The following YAP1 variants were observed in gnomAD, a reference collection of about 807,000 sequenced individuals.
YAP1 encodes transcriptional coactivator YAP1.
Under a neutral mutation model 56.9 loss-of-function variants are expected in YAP1, and 5 were observed. That is an observed-to-expected ratio of 0.09 (90% CI 0.05 to 0.18). YAP1 has a LOEUF of 0.18. YAP1 is among the 10% of genes least tolerant of loss of function. YAP1 has a pLI of 1.00. For missense variants in YAP1, 539 were observed against 651.8 expected, an observed-to-expected ratio of 0.83 and a Z score of 1.88; for synonymous variants, 265 against 248.1, an observed-to-expected ratio of 1.07 and a Z score of -0.64.
At chr11:102,195,660 C>G (rs889480675) in intron 4 of YAP1, among the ~76,000 whole-genome samples, 1 of 152,118 alleles carries the variant, frequency 6.6e-6, no homozygotes, top group African/African-American at 2.4e-5. Context: ...AGCACTGATT[C>G]TTCTCTCTCC....
chr11:102,206,133 G>A, intron 5 of YAP1, 59 bp downstream of exon 5: 2 of 1,558,784 alleles, frequency 1.3e-6, no homozygotes, highest in South Asian at 2.4e-5. Context: ...TCTTAAAGTT[G>A]GGCAGATTTC....
At chr11:102,150,748 CA>C (rs1025877111) in intron 2 of YAP1, among the ~76,000 whole-genome samples, 2 of 143,340 alleles carry the variant, frequency 1.4e-5, no homozygotes, top group Non-Finnish European at 3.1e-5. Context: ...AGAACCTTGT[CA>C]AAAAATTTTT....
At chr11:102,175,511 A>G (rs904580604) in intron 3 of YAP1, among the ~76,000 whole-genome samples, 5 of 152,240 alleles carry the variant, frequency 3.3e-5, no homozygotes, top group Non-Finnish European at 7.3e-5. Context: ...AGTTAGTGAT[A>G]ATAATATAGT....
chr11:102,142,882 ATT>A (rs975961530), intron 2 of YAP1, among the ~76,000 whole-genome samples: 19 of 152,202 alleles, frequency 1.2e-4, no homozygotes, highest in Admixed American at 4.6e-4. Context: ...AGCATATAAC[ATT>A]TGTTTTATGT....
intron 8 of YAP1, among the ~76,000 whole-genome samples, chr11:102,228,062 A>AG (rs1950279239): frequency 3.9e-5 from 6 of 152,056 alleles, no homozygotes; most frequent in Admixed American, 3.9e-4. Context: ...AAAAAAAAAA[A>AG]AAAAATCATA....
intron 2 of YAP1, among the ~76,000 whole-genome samples, chr11:102,143,602 A>T (rs902043250): frequency 6.6e-6 from 1 of 152,192 alleles, no homozygotes; most frequent in Admixed American, 6.5e-5. Context: ...TACTACTACT[A>T]CATAAACTGT....
intron 3 of YAP1, among the ~76,000 whole-genome samples, chr11:102,168,900 CAG>C (rs955780220): frequency 5.9e-5 from 9 of 152,140 alleles, no homozygotes; most frequent in Non-Finnish European, 1.0e-4. Context: ...TTAAAAAGCA[CAG>C]AGAGGGTAAA....
chr11:102,191,151 G>A (rs1189634311), intron 4 of YAP1, among the ~76,000 whole-genome samples: 1 of 149,256 alleles, frequency 6.7e-6, no homozygotes, highest in Non-Finnish European at 1.5e-5. Flanking sequence ...TCCAGCCTGG[G>A]CAACAGAGCG....
rs1947933112 is a variant in YAP1 at position 102,186,139 on chromosome 11, T to G, written c.802+8T>G. ...GGCTTGACCCTCGTTTTGGTAAAGG[T>G]TCATCTCAAAACCTTTTTAGATGCT... On this transcript the variant is annotated splice_region_variant and intron_variant, in intron 4 of 8. Transcript: ENST00000282441. 6.2e-7 allele frequency: 1 copy of G among 1,609,914 alleles called. No homozygotes were observed. The highest frequency in any genetic ancestry group is 8.5e-7 in the Non-Finnish European group (1 of 1,178,452).
intron 4 of YAP1, 119 bp from the exon 5 acceptor site, chr11:102,205,774 G>A: frequency 1.0e-6 from 1 of 958,572 alleles, no homozygotes; most frequent in South Asian, 2.6e-5. Flanking sequence ...GTTATTTCCA[G>A]TCTTCCTGCC....
intron 4 of YAP1, among the ~76,000 whole-genome samples, chr11:102,200,939 GC>G (rs1948822899): frequency 6.6e-6 from 1 of 152,058 alleles, no homozygotes; most frequent in South Asian, 2.1e-4. Flanking sequence ...GTCCTTGGGG[GC>G]AAAAAAGCAC....
At chr11:102,170,243 T>C (rs1286354777) in intron 3 of YAP1, among the ~76,000 whole-genome samples, 1 of 152,222 alleles carries the variant, frequency 6.6e-6, no homozygotes. Context: ...CAGTATTAAT[T>C]TCTTCATTCT....
At chr11:102,174,640 A>G (rs185410699) in intron 3 of YAP1, among the ~76,000 whole-genome samples, 21 of 152,234 alleles carry the variant, frequency 1.4e-4, no homozygotes, top group Admixed American at 3.9e-4. Flanking sequence ...AGAGATTGCA[A>G]CTTCACAAAG....
In YAP1 at chr11:102,174,131, G is replaced by A. The variant is rs566610581; in HGVS notation, c.688+11560G>A. 6.3e-4 allele frequency among the ~76,000 whole-genome samples: 96 copies of A among 152,208 alleles called. 1 individual carries two copies. In the South Asian group the frequency reaches 0.019, roughly 30 times the overall value. ...TGCACAAATAGAATACTGTTGAATG[G>A]CTTAAACTTAAATCCATAGAAATAT... On this transcript the variant is annotated intron_variant, in intron 3 of 8. Transcript: ENST00000282441.
rs1942865143 is a variant in YAP1, at chr11:102,111,037, C to A, written c.189C>A (p.Thr63=). The A allele has an allele frequency of 1.2e-6, 2 of 1,611,774 alleles. No homozygotes were observed. The highest frequency in any genetic ancestry group is 2.2e-5 in the East Asian group (1 of 44,672). Reference sequence around the variant, plus strand: ...TGCACGTCCGCGGGGACTCGGAGACCGACCTGGAGGCGCTCTTCAACGCCG... The same window carrying A: ...TGCACGTCCGCGGGGACTCGGAGACAGACCTGGAGGCGCTCTTCAACGCCG... The part of the protein sequence containing the change: ...QIVHVRGDSE[T]DLEALFNAVM... The change falls in exon 1 of 9, where the codon ACC becomes ACA. Residue 63 remains threonine, a synonymous_variant. Transcript: ENST00000282441.
At chr11:102,129,050 G>C (rs1420503010) in intron 2 of YAP1, among the ~76,000 whole-genome samples, 1 of 152,032 alleles carries the variant, frequency 6.6e-6, no homozygotes, top group Non-Finnish European at 1.5e-5. Flanking sequence ...GATGGTGGTA[G>C]GAAAAATGTT....
intron 2 of YAP1, among the ~76,000 whole-genome samples, chr11:102,139,065 TC>T (rs1455033992): frequency 6.6e-6 from 1 of 151,968 alleles, no homozygotes. Context: ...TTTTTTTTTT[TC>T]TCTTCATGAA....
At chr11:102,146,877 A>G (rs1468341131) in intron 2 of YAP1, among the ~76,000 whole-genome samples, 5 of 152,198 alleles carry the variant, frequency 3.3e-5, no homozygotes, top group Non-Finnish European at 7.3e-5. Flanking sequence ...ATGTTGCTAA[A>G]TGGAATTAAA....
intron 6 of YAP1, among the ~76,000 whole-genome samples, chr11:102,215,706 T>C (rs1041382411): frequency 6.6e-6 from 1 of 152,202 alleles, no homozygotes; most frequent in Non-Finnish European, 1.5e-5. Context: ...CTCGAACTCC[T>C]GACCTCAGGT....
Sources: gnomAD v4.1 joint callset for allele counts (sites outside exome capture counted in the v4.1 genomes callset) on GRCh38, gnomAD v4.1.1 for gene constraint, MANE v1.5 for transcripts, NCBI Gene and HGNC (gene_info 2026-07-23, HGNC 2026-07-21) for gene names.